Variants in DCC observed in about 807,000 individuals in gnomAD.
DCC encodes the protein netrin receptor DCC.
A neutral mutation model predicts 172.5 loss-of-function variants in DCC; 58 were observed. The observed-to-expected ratio is 0.34, with a 90% CI of 0.27 to 0.42. DCC has a LOEUF of 0.42. Among genes scored for constraint, DCC ranks in the 10% least tolerant of loss-of-function variants. The pLI, the probability that DCC is intolerant of heterozygous loss-of-function variation, is 1.00. For synonymous variants in DCC, 709 were observed against 644.5 expected (o/e 1.10, Z -1.52); for missense variants, 1,740 against 1,791.0 (o/e 0.97, Z 0.51).
In DCC at chr18:53,331,269, G is replaced by A. The variant is rs184023147; in HGVS notation, c.2165-8444G>A. On this transcript the variant is annotated intron_variant, in intron 14 of 28. Transcript: ENST00000442544. Reference sequence around the variant, plus strand: ...TAGGTCTGTAGTTTTGAGAGCATACGGTTTGAATCCACTTCAAGGAAAATG... The same window carrying A: ...TAGGTCTGTAGTTTTGAGAGCATACAGTTTGAATCCACTTCAAGGAAAATG... Among the ~76,000 whole-genome samples the A allele has an allele frequency of 7.2e-5, 11 of 152,264 alleles. No homozygotes were observed. The East Asian group carries it at 1.9e-3, about 27-fold the overall frequency.
chr18:52,979,452 A>G (rs1299419577), intron 5 of DCC, among the ~76,000 whole-genome samples: 1 of 152,196 alleles, frequency 6.6e-6, no homozygotes, highest in Admixed American at 6.5e-5. Context: ...AGTCATATAC[A>G]TGACACTGAT....
chr18:53,339,489 T>C (rs1433202045), intron 14 of DCC, among the ~76,000 whole-genome samples: 1 of 152,206 alleles, frequency 6.6e-6, no homozygotes, highest in Non-Finnish European at 1.5e-5. Flanking sequence ...CTACCTACCA[T>C]GCCCATGGAA....
chr18:52,700,323 C>G (rs919365785), intron 1 of DCC, among the ~76,000 whole-genome samples: 1 of 149,592 alleles, frequency 6.7e-6, no homozygotes, highest in African/African-American at 2.5e-5. Flanking sequence ...CATGCACACT[C>G]ACGGAATGCA....
chr18:53,037,288 T>TTG (rs2042107927), intron 5 of DCC, among the ~76,000 whole-genome samples: 1 of 151,960 alleles, frequency 6.6e-6, no homozygotes, highest in Admixed American at 6.6e-5. Context: ...GAACTGGCAA[T>TTG]GTGTAGTTGA....
chr18:53,111,225 A>G (rs2043325788), intron 7 of DCC, among the ~76,000 whole-genome samples: 1 of 127,680 alleles, frequency 7.8e-6, no homozygotes, highest in African/African-American at 3.0e-5. Flanking sequence ...CAGGAAGGGG[A>G]ACATCACACT....
intron 1 of DCC, among the ~76,000 whole-genome samples, chr18:52,497,229 C>G (rs2030793099): frequency 7.1e-6 from 1 of 141,312 alleles, no homozygotes; most frequent in South Asian, 2.3e-4. Flanking sequence ...CCACTGCTCT[C>G]CAGCCTGGGT....
At chr18:53,090,670 G>A (rs1427269745) in intron 7 of DCC, among the ~76,000 whole-genome samples, 7 of 105,566 alleles carry the variant, frequency 6.6e-5, no homozygotes, top group Admixed American at 4.4e-4. Flanking sequence ...CTCCAGCCTG[G>A]GTGACAGAGC....
chr18:53,150,903 T>A (rs2043987646), intron 7 of DCC, among the ~76,000 whole-genome samples: 2 of 152,182 alleles, frequency 1.3e-5, no homozygotes, highest in Admixed American at 1.3e-4. Flanking sequence ...CTTTCAGGCT[T>A]AGATCCTTCA....
chr18:53,110,871 C>T (rs1467532608), intron 7 of DCC, among the ~76,000 whole-genome samples: 2 of 123,546 alleles, frequency 1.6e-5, no homozygotes, highest in East Asian at 2.2e-4. Flanking sequence ...ACTAGAAATA[C>T]CATTTGACCC....
intron 1 of DCC, among the ~76,000 whole-genome samples, chr18:52,699,979 G>C (rs1340473947): frequency 6.6e-6 from 1 of 150,898 alleles, no homozygotes; most frequent in Non-Finnish European, 1.5e-5. Flanking sequence ...CTGTGAATGA[G>C]TTTCCTCATG....
intron 1 of DCC, among the ~76,000 whole-genome samples, chr18:52,397,818 A>G (rs560458264): frequency 2.0e-5 from 3 of 152,066 alleles, no homozygotes; most frequent in East Asian, 1.9e-4. Flanking sequence ...CTCCATCTGT[A>G]TTTGTTTTCA....
chr18:52,452,787 T>C (rs545144767), intron 1 of DCC, among the ~76,000 whole-genome samples: 1 of 152,314 alleles, frequency 6.6e-6, no homozygotes, highest in East Asian at 1.9e-4. Context: ...AGAAATCTGT[T>C]TTCAACAAAG....
intron 26 of DCC, among the ~76,000 whole-genome samples, chr18:53,488,573 A>ACTCTTTCCGTTTTC (rs2045927750): frequency 6.6e-6 from 1 of 152,026 alleles, no homozygotes; most frequent in South Asian, 2.1e-4. Flanking sequence ...ACATCAATTT[A>ACTCTTTCCGTTTTC]CTCTTTCCGT....
intron 1 of DCC, among the ~76,000 whole-genome samples, chr18:52,500,033 AT>A (rs2030958683): frequency 6.6e-6 from 1 of 151,934 alleles, no homozygotes; most frequent in African/African-American, 2.4e-5. Flanking sequence ...TAGTCTTAAT[AT>A]TTTTAGCTAG....
At chr18:53,347,132 C>T (rs1321633650) in intron 15 of DCC, among the ~76,000 whole-genome samples, 1 of 152,282 alleles carries the variant, frequency 6.6e-6, no homozygotes, top group East Asian at 1.9e-4. Context: ...CCCTCATCCC[C>T]TGAAACTACT....
rs537304165 is a variant in DCC at position 53,383,723 on chromosome 18, A to G, written c.2360-2320A>G. On this transcript the variant is annotated intron_variant, in intron 15 of 28. Coordinates refer to ENST00000442544, the MANE Select transcript of DCC (RefSeq NM_005215.4). ...AGAGCTGGAAGAGAGAAAAAGTACA[A>G]TTTTGAGTTCAAACTTATTTTTCCA... Among the ~76,000 whole-genome samples the G allele has an allele frequency of 2.6e-5, 4 of 151,816 alleles. No individual in the cohort carries two copies. The East Asian group carries it at 7.8e-4, about 29-fold the overall frequency.
chr18:53,504,304 CCACAGGCAGAGGTCATGGGAGATCAGA>C (rs1199596352), intron 27 of DCC, among the ~76,000 whole-genome samples: 1 of 152,102 alleles, frequency 6.6e-6, no homozygotes, highest in Non-Finnish European at 1.5e-5. Flanking sequence ...CTAAAATCAG[CCACAGGCAGAGGTCATGGGAGATCAGA>C]CATCCTTTAG....
At chr18:53,520,152 A>C (rs540286893) in intron 27 of DCC, among the ~76,000 whole-genome samples, 1 of 152,264 alleles carries the variant, frequency 6.6e-6, no homozygotes, top group East Asian at 1.9e-4. Flanking sequence ...GCCCCATTTC[A>C]ATGTCAAAGT....
chr18:52,817,751 ATTTTC>A (rs1182322161), intron 2 of DCC, among the ~76,000 whole-genome samples: 3 of 152,018 alleles, frequency 2.0e-5, no homozygotes, highest in African/African-American at 7.2e-5. Context: ...AAACTTGGAT[ATTTTC>A]TTTAGGAAAA....
Sources: allele counts gnomAD v4.1 joint callset (sites outside exome capture counted in the v4.1 genomes callset), GRCh38; gene constraint gnomAD v4.1.1; transcripts MANE v1.5; gene names NCBI Gene and HGNC (gene_info 2026-07-23, HGNC 2026-07-21).